The following RBFOX1 variants were observed in gnomAD, a reference collection of about 807,000 sequenced individuals.
RBFOX1 encodes the protein RNA binding fox-1 homolog 1, also known as RNA binding protein fox-1 homolog 1.
Under a neutral mutation model 57.7 loss-of-function variants are expected in RBFOX1, and 8 were observed. That is an observed-to-expected ratio of 0.14 (90% CI 0.08 to 0.25). The LOEUF (loss-of-function observed/expected upper bound fraction) is 0.25. Among genes scored for constraint, RBFOX1 ranks in the 10% least tolerant of loss-of-function variants. The pLI is 1.00. For missense variants in RBFOX1, 611 were observed against 548.5 expected, an observed-to-expected ratio of 1.11 and a Z score of -1.14; for synonymous variants, 326 against 222.4, an observed-to-expected ratio of 1.47 and a Z score of -4.15.
At chr16:7,197,998 CTTTTTTTTTTTTTTT>C (rs945404947) in intron 4 of RBFOX1, among the ~76,000 whole-genome samples, 2 of 55,592 alleles carry the variant, frequency 3.6e-5, no homozygotes, top group African/African-American at 1.5e-4. Context: ...TTCTTTCTTT[CTTTTTTTTTTTTTTT>C]TTTTTTTTTT....
At chr16:5,703,930 A>G (rs919583759) in intron 3 of RBFOX1, among the ~76,000 whole-genome samples, 13 of 152,200 alleles carry the variant, frequency 8.5e-5, no homozygotes, top group African/African-American at 2.7e-4. Context: ...TACACTAATC[A>G]TTATGTGAAC....
chr16:5,656,925 C>A (rs1339768519), intron 3 of RBFOX1, among the ~76,000 whole-genome samples: 2 of 151,968 alleles, frequency 1.3e-5, no homozygotes, highest in African/African-American at 4.8e-5. Context: ...CACACTGGGA[C>A]CTGTCAGGGG....
rs2083900184 is a variant in RBFOX1 at position 7,710,844 on chromosome 16, T to TTA, written c.*99_*100insTA. Reference sequence around the variant, plus strand: ...CAGTAGTACATCATTTTAGCAACTCTAAAAAAAAAAAAAATACAAATAAAA... The same window carrying TTA: ...CAGTAGTACATCATTTTAGCAACTCTTAAAAAAAAAAAAAAATACAAATAAAA... On this transcript the variant is annotated 3_prime_UTR_variant, in exon 16 of 16. Transcript: ENST00000550418. 2.4e-6 allele frequency: 2 copies of TTA among 827,222 alleles called. No homozygotes were observed. The highest frequency in any genetic ancestry group is 3.5e-5 in the East Asian group (1 of 28,436). The allele number at this position is 827,222 out of a possible 1,614,324, so 51.2% of individuals were successfully genotyped here. A position where few individuals can be genotyped will look rare whatever the true frequency, so the allele number is the denominator to read the frequency against.
intron 3 of RBFOX1, among the ~76,000 whole-genome samples, chr16:6,938,985 C>T (rs560860774): frequency 6.6e-6 from 1 of 152,230 alleles, no homozygotes; most frequent in African/African-American, 2.4e-5. Context: ...CAGGAATGCA[C>T]TGTAACTGTT....
intron 4 of RBFOX1, among the ~76,000 whole-genome samples, chr16:7,162,830 T>G (rs1181341051): frequency 6.6e-6 from 1 of 152,162 alleles, no homozygotes; most frequent in African/African-American, 2.4e-5. Context: ...CATCTTTTGT[T>G]GTTAAAGAAT....
At chr16:6,796,357 C>T (rs1379615098) in intron 3 of RBFOX1, among the ~76,000 whole-genome samples, 1 of 152,124 alleles carries the variant, frequency 6.6e-6, no homozygotes, top group Non-Finnish European at 1.5e-5. Context: ...ACAGCCAAAC[C>T]ATATCAGTTA....
chr16:6,765,569 C>G (rs555241046), intron 3 of RBFOX1, among the ~76,000 whole-genome samples: 15 of 152,202 alleles, frequency 9.9e-5, no homozygotes, highest in African/African-American at 2.9e-4. Flanking sequence ...TGAGTACAAC[C>G]TCTATGGAAA....
intron 1 of RBFOX1, among the ~76,000 whole-genome samples, chr16:6,243,121 T>A (rs1270555188): frequency 1.3e-5 from 2 of 151,364 alleles, no homozygotes; most frequent in African/African-American, 4.9e-5. Flanking sequence ...TGCAGTTGGA[T>A]AAATTGATAT....
intron 3 of RBFOX1, among the ~76,000 whole-genome samples, chr16:6,882,999 T>A (rs1263561357): frequency 6.6e-6 from 1 of 152,166 alleles, no homozygotes; most frequent in Non-Finnish European, 1.5e-5. Context: ...GATTGTGAAT[T>A]GTTAAGTCCA....
intron 4 of RBFOX1, among the ~76,000 whole-genome samples, chr16:7,109,362 C>G (rs1263323007): frequency 6.6e-6 from 1 of 152,128 alleles, no homozygotes; most frequent in Non-Finnish European, 1.5e-5. Context: ...AACCCTCTCA[C>G]CAGATTTGAC....
intron 3 of RBFOX1, among the ~76,000 whole-genome samples, chr16:6,908,863 T>C (rs555282662): frequency 1.3e-5 from 2 of 152,134 alleles, no homozygotes; most frequent in Non-Finnish European, 2.9e-5. Context: ...ACTAAATTAG[T>C]TTATATAATA....
intron 1 of RBFOX1, among the ~76,000 whole-genome samples, chr16:6,020,261 T>G (rs1273063081): frequency 6.6e-6 from 1 of 151,950 alleles, no homozygotes; most frequent in Non-Finnish European, 1.5e-5. Context: ...CTCCGAAGCA[T>G]CCAGGCTACC....
intron 1 of RBFOX1, among the ~76,000 whole-genome samples, chr16:6,227,819 C>T (rs1436005864): frequency 6.6e-6 from 1 of 152,178 alleles, no homozygotes; most frequent in African/African-American, 2.4e-5. Context: ...TTATTTCTCT[C>T]AGGTACACAC....
intron 4 of RBFOX1, among the ~76,000 whole-genome samples, chr16:7,075,508 A>G (rs2058125673): frequency 6.6e-6 from 1 of 152,216 alleles, no homozygotes; most frequent in Non-Finnish European, 1.5e-5. Context: ...TCTCTTTAAA[A>G]CAATAAGTAT....
intron 4 of RBFOX1, among the ~76,000 whole-genome samples, chr16:6,005,813 A>C (rs1383730556): frequency 1.3e-5 from 2 of 152,204 alleles, no homozygotes; most frequent in Non-Finnish European, 2.9e-5. Flanking sequence ...AAAAAGGCTA[A>C]TGGCATTTGA....
At position 7,039,287 on chromosome 16, in the gene RBFOX1, C is replaced by G. The variant is rs531904794; in HGVS notation, c.-15-12770C>G. On this transcript the variant is annotated intron_variant, in intron 3 of 15. Transcript: ENST00000550418. ...CTACTTAGTACTTAGCCTTGACAAG[C>G]TCTTTCGTCCGTCTCCCTTGACCCT... Among the ~76,000 whole-genome samples, 6 of 152,278 alleles carry G rather than the reference C, an allele frequency of 3.9e-5. No individual in the cohort carries two copies. In the East Asian group the frequency reaches 9.7e-4, roughly 25 times the overall value.
intron 2 of RBFOX1, among the ~76,000 whole-genome samples, chr16:6,590,890 C>T (rs1018373523): frequency 1.3e-5 from 2 of 152,084 alleles, no homozygotes; most frequent in African/African-American, 4.8e-5. Context: ...GTGGCAAAAG[C>T]AGACCATGCA....
chr16:5,939,899 C>T (rs1383379045), intron 4 of RBFOX1, among the ~76,000 whole-genome samples: 1 of 152,164 alleles, frequency 6.6e-6, no homozygotes, highest in East Asian at 1.9e-4. Flanking sequence ...GAGTAGGCTT[C>T]ACAGTCAAGC....
intron 2 of RBFOX1, among the ~76,000 whole-genome samples, chr16:6,557,800 T>G (rs886315670): frequency 6.6e-6 from 1 of 152,202 alleles, no homozygotes; most frequent in Non-Finnish European, 1.5e-5. Flanking sequence ...TTTTATTTCG[T>G]GGTGCAGGAC....
Sources: gnomAD v4.1 joint callset for allele counts (sites outside exome capture counted in the v4.1 genomes callset) on GRCh38, gnomAD v4.1.1 for gene constraint, MANE v1.5 for transcripts, NCBI Gene and HGNC (gene_info 2026-07-23, HGNC 2026-07-21) for gene names.